The following CXADR variants were observed in gnomAD, a reference collection of about 807,000 sequenced individuals.
CXADR encodes the protein coxsackievirus and adenovirus receptor.
In CXADR, 20 loss-of-function variants were observed where a neutral mutation model predicts 40.3. The ratio of observed to expected loss-of-function variants is 0.50; its 90% confidence interval spans 0.35 to 0.72. The LOEUF (loss-of-function observed/expected upper bound fraction) is 0.72, where lower values mean the gene tolerates loss of function less well. CXADR is among the 30% of genes least tolerant of loss of function. The pLI, the probability that CXADR is intolerant of heterozygous loss-of-function variation, is 0.01. For synonymous variants in CXADR, 150 were observed against 161.3 expected (o/e 0.93, Z 0.53); for missense variants, 332 against 449.1 (o/e 0.74, Z 2.36).
At chr21:17,558,610 G>C (rs933245153) in intron 3 of CXADR, among the ~76,000 whole-genome samples, 1 of 152,284 alleles carries the variant, frequency 6.6e-6, no homozygotes, top group Middle Eastern at 3.4e-3. Flanking sequence ...TCAGGCATGG[G>C]GAAGAATAGC....
At chr21:17,575,127 C>CTCATTCTA (rs57644122) in intron 7 of CXADR, among the ~76,000 whole-genome samples, 126,027 of 151,092 alleles carry the variant, frequency 0.83, 52,913 homozygotes, top group Non-Finnish European at 0.88. Flanking sequence ...AATGAAGTGT[C>CTCATTCTA]TCATTCTATC....
At chr21:17,604,820 A>G in the CXADR span, 1 of 1,592,106 alleles carries the variant, frequency 6.3e-7, no homozygotes. Flanking sequence ...AATTAGTTCC[A>G]GCATGGTCAT....
intron 1 of CXADR, among the ~76,000 whole-genome samples, chr21:17,528,074 T>TC (rs2060621090): frequency 7.4e-6 from 1 of 135,832 alleles, no homozygotes; most frequent in Admixed American, 7.4e-5. Flanking sequence ...CTTTCTTTTT[T>TC]TTTTTTTTTT....
intron 1 of CXADR, chr21:17,530,355 T>C (rs1433068778): frequency 2.9e-5 from 13 of 447,196 alleles, no homozygotes; most frequent in Non-Finnish European, 4.5e-5. Context: ...AGTTTGTGTT[T>C]TTTGTCTTAT....
the CXADR span, among the ~76,000 whole-genome samples, chr21:17,628,506 CTT>C: frequency 1.4e-5 from 2 of 146,360 alleles, no homozygotes; most frequent in Admixed American, 6.8e-5. Flanking sequence ...TGTCCCAGTT[CTT>C]TTTTTTTTTT....
chr21:17,608,556 CT>C, the CXADR span, among the ~76,000 whole-genome samples: 1,412 of 145,842 alleles, frequency 9.7e-3, 11 homozygotes, highest in South Asian at 0.02. Context: ...TTTTTCCATA[CT>C]TTTTTTTTTT....
chr21:17,543,085 C>A (rs761943981), intron 1 of CXADR: 27 of 338,464 alleles, frequency 8.0e-5, no homozygotes, highest in Non-Finnish European at 1.5e-4. Flanking sequence ...AAACAAAAAA[C>A]AAAAAAATCT....
At chr21:17,607,977 T>G in the CXADR span, among the ~76,000 whole-genome samples, 1 of 152,222 alleles carries the variant, frequency 6.6e-6, no homozygotes, top group Non-Finnish European at 1.5e-5. Context: ...CAGCTCCAAG[T>G]GAGAATTACC....
intron 1 of CXADR, among the ~76,000 whole-genome samples, chr21:17,529,889 A>T (rs1355263994): frequency 6.6e-6 from 1 of 151,824 alleles, no homozygotes; most frequent in African/African-American, 2.4e-5. Flanking sequence ...CAACCCACAT[A>T]TCAGAAGCCC....
At chr21:17,593,170 A>G in exon 8 of CXADR, 1 of 1,457,432 alleles carries the variant, frequency 6.9e-7, no homozygotes, top group Non-Finnish European at 9.1e-7. Context: ...CCCTTACAAG[A>G]CTGATGGAAT....
the CXADR span, among the ~76,000 whole-genome samples, chr21:17,603,441 A>G: frequency 7.2e-5 from 11 of 152,208 alleles, no homozygotes; most frequent in Non-Finnish European, 5.9e-5. Context: ...CTGGCAAATC[A>G]GGTAGTAACC....
chr21:17,620,890 A>C, the CXADR span, among the ~76,000 whole-genome samples: 1 of 152,232 alleles, frequency 6.6e-6, no homozygotes, highest in Non-Finnish European at 1.5e-5. Context: ...AGCAAGTTCG[A>C]AATCTACAGG....
At chr21:17,577,114 T>A (rs1300066853) in intron 7 of CXADR, among the ~76,000 whole-genome samples, 1 of 152,070 alleles carries the variant, frequency 6.6e-6, no homozygotes. Flanking sequence ...AGAGTGCCTC[T>A]GCACTTCAGT....
At chr21:17,585,063 G>C (rs961603121) in intron 7 of CXADR, among the ~76,000 whole-genome samples, 1 of 152,024 alleles carries the variant, frequency 6.6e-6, no homozygotes, top group African/African-American at 2.4e-5. Flanking sequence ...GAATTTTGTG[G>C]CTTTACTTAT....
At chr21:17,608,889 G>A in the CXADR span, 751 of 1,340,798 alleles carry the variant, frequency 5.6e-4, no homozygotes, top group Middle Eastern at 9.4e-4. Context: ...CTGTAGGCAT[G>A]GTCTGCACAC....
chr21:17,605,117 G>T, the CXADR span: 1 of 1,125,224 alleles, frequency 8.9e-7, no homozygotes, highest in Admixed American at 2.7e-5. Flanking sequence ...CCCTGGTAGA[G>T]AACCTAGGAG....
chr21:17,554,735 T>C (rs1394713547), intron 3 of CXADR, among the ~76,000 whole-genome samples: 1 of 152,218 alleles, frequency 6.6e-6, no homozygotes, highest in African/African-American at 2.4e-5. Flanking sequence ...GCCTGGAAAT[T>C]CTGCCTGGAT....
At chr21:17,598,999 C>A in the CXADR span, 1 of 521,718 alleles carries the variant, frequency 1.9e-6, no homozygotes, top group Non-Finnish European at 3.3e-6. Context: ...GCAAGCAAAC[C>A]ACAGTTTTCT....
chr21:17,547,560 T>C (rs895001252), intron 2 of CXADR, among the ~76,000 whole-genome samples: 2 of 152,152 alleles, frequency 1.3e-5, no homozygotes, highest in African/African-American at 4.8e-5. Flanking sequence ...TGTGTTGTGT[T>C]AGGAGATGGC....
Sources: allele counts gnomAD v4.1 joint callset (sites outside exome capture counted in the v4.1 genomes callset), GRCh38; gene constraint gnomAD v4.1.1; transcripts MANE v1.5; gene names NCBI Gene and HGNC (gene_info 2026-07-23, HGNC 2026-07-21).